Variants in BCAN observed in about 807,000 individuals in gnomAD.
BCAN encodes brevican core protein.
Under a neutral mutation model 92.4 loss-of-function variants are expected in BCAN, and 51 were observed. That is an observed-to-expected ratio of 0.55 (90% CI 0.44 to 0.70). The LOEUF (loss-of-function observed/expected upper bound fraction) is 0.70. BCAN is among the 30% of genes least tolerant of loss of function. The probability of loss-of-function intolerance (pLI) is 0.00; values close to 1 mark genes in which losing one functional copy is unlikely to be tolerated. For synonymous variants in BCAN, 501 were observed against 505.2 expected (o/e 0.99, Z 0.11); for missense variants, 1,140 against 1,212.1 (o/e 0.94, Z 0.88).
rs914961723 is a variant in BCAN at position 156,658,940 on chromosome 1, A to C, written c.2629-87A>C. Reference sequence around the variant, plus strand: ...ACATGCAGCCCCATTCTGGGCTCTTACGGGCTGAGCAAGAACATCAGAGGG... The same window carrying C: ...ACATGCAGCCCCATTCTGGGCTCTTCCGGGCTGAGCAAGAACATCAGAGGG... On this transcript the variant is annotated intron_variant, in intron 13 of 13. Transcript: ENST00000329117. The surrounding 1 kb of genome is among the most constrained non-coding windows in gnomAD (Gnocchi z 4.4). The C allele has an allele frequency of 7.2e-7, 1 of 1,381,524 alleles. No homozygotes were observed. The allele number at this position is 1,381,524 out of a possible 1,614,324, so 85.6% of individuals were successfully genotyped here.
rs549019754 is a variant in BCAN, at chr1:156,646,409, G to C, written c.91+264G>C. 1.2e-5 allele frequency: 6 copies of C among 509,772 alleles called. No homozygotes were observed. The East Asian group carries it at 1.2e-4, about 10-fold the overall frequency. 31.6% of individuals were successfully genotyped at this position (509,772 alleles called of 1,614,324 possible). A position where few individuals can be genotyped will look rare whatever the true frequency, so the allele number is the denominator to read the frequency against. ...TCCTGAAGCTAGGAGGTGGGAAAGGGGTGGAACTGGGAGAAACCCTGAAGG... is the reference window on the plus strand; with the variant it reads ...TCCTGAAGCTAGGAGGTGGGAAAGGCGTGGAACTGGGAGAAACCCTGAAGG... On this transcript the variant is annotated intron_variant, in intron 2 of 13. Transcript: ENST00000329117.
Position 156,647,624 on chromosome 1 carries a change from G to T in BCAN, c.583G>T (p.Ala195Ser), listed in dbSNP as rs532500157. 1.9e-6 allele frequency: 3 copies of T among 1,612,372 alleles called. No individual in the cohort carries two copies. Among genetic ancestry groups the T allele is most frequent in the South Asian group, 2.2e-5 (2 of 90,910 alleles). ...CGCCACCCCGGAGCAGCTCTATGCC[G>T]CCTACCTTGGGGGCTATGAGCAATG... ...HIATPEQLYA[A>S]YLGGYEQCDA... The change falls in exon 4 of 14, where the codon GCC (alanine) becomes TCC (serine). Residue 195 changes from alanine (A) to serine (S), a missense_variant. This residue lies in a region of BCAN where 286 missense variants were observed against 284.1 expected (regional missense o/e 1.01). Transcript: ENST00000329117. This position sits in a 1 kb window ranked among gnomAD's most constrained non-coding sequence, Gnocchi z 4.8.
rs754880058 is a variant in BCAN, at chr1:156,659,084, C to T, written c.2686C>T (p.Arg896Cys). 1.7e-5 allele frequency: 27 copies of T among 1,596,058 alleles called. No individual in the cohort carries two copies. The highest frequency in any genetic ancestry group is 1.7e-4 in the Middle Eastern group (1 of 6,040). The change falls in exon 14 of 14, where the codon CGC becomes TGC. Residue 896 changes from arginine to cysteine, a missense_variant. Transcript: ENST00000329117. ...AGGACGTCAGGGGAGGCTACTGGGA[C>T]GCTGGAAGGCGCTGTTGATCCCCCC... ...PEGRQGRLLG[R>C]WKALLIPPSS...
intron 1 of BCAN, chr1:156,644,425 C>G (rs939815840): frequency 1.3e-5 from 2 of 152,534 alleles, no homozygotes; most frequent in Non-Finnish European, 2.9e-5. Flanking sequence ...CTTCCCAGCA[C>G]CCGGTGGGCA....
At position 156,658,205 on chromosome 1, in the gene BCAN, G is replaced by A. The variant is rs572181801; in HGVS notation, c.2371G>A (p.Asp791Asn). 26 of 1,614,148 alleles carry A rather than the reference G, an allele frequency of 1.6e-5. 1 individual carries two copies. The South Asian group carries it at 2.4e-4, about 15-fold the overall frequency. ...GENCVVMVWH[D>N]QGQWSDVPCN... Reference sequence around the variant, plus strand: ...GAACTGCGTGGTCATGGTGTGGCATGATCAGGGACAATGGAGTGACGTGCC... The same window carrying A: ...GAACTGCGTGGTCATGGTGTGGCATAATCAGGGACAATGGAGTGACGTGCC... Residue 791 changes from aspartate to asparagine, a missense_variant, in exon 12 of 14, where the codon GAT (aspartate) becomes AAT (asparagine). Asp to Asn is a conservative substitution (Grantham distance 23, BLOSUM62 1). Coordinates refer to ENST00000329117, the MANE Select transcript of BCAN (RefSeq NM_021948.5). This position sits in a 1 kb window ranked among gnomAD's most constrained non-coding sequence, Gnocchi z 4.4.
Position 156,652,809 on chromosome 1 carries a change from C to A in BCAN, c.1859C>A (p.Pro620Gln). ...PSEDNSGRTA[P>Q]AGTSVQAQPV... ...GAAGATAATTCTGGAAGAACTGCCC[C>A]AGCAGGGACCTCAGTGCAGGCCCAG... is the stretch of plus-strand genomic sequence containing the variant. The change falls in exon 8 of 14, where the codon CCA (proline) becomes CAA (glutamine). Residue 620 changes from proline to glutamine, a missense_variant. Coordinates refer to ENST00000329117, the MANE Select transcript of BCAN (RefSeq NM_021948.5). 1 of 1,613,854 alleles carries A rather than the reference C, an allele frequency of 6.2e-7. No homozygotes were observed. The highest frequency in any genetic ancestry group is 8.5e-7 in the Non-Finnish European group (1 of 1,179,852).
Position 156,652,359 on chromosome 1 carries a change from A to AAGAGGAGG in BCAN, c.1412_1419dup (p.Val474ArgfsTer81). On this transcript the variant is annotated frameshift_variant, in exon 8 of 14. Transcript: ENST00000329117. LOFTEE classifies it high-confidence loss of function. ...GAAGAAGAGAAAGAGGAGGAAGAAGAAGAGGAGGAGGTGGAGGATGAGGCT... is the reference window on the plus strand; with the variant it reads ...GAAGAAGAGAAAGAGGAGGAAGAAGAAGAGGAGGAGAGGAGGAGGTGGAGGATGAGGCT... 6.2e-7 allele frequency: 1 copy of AAGAGGAGG among 1,613,656 alleles called. No individual in the cohort carries two copies. Among genetic ancestry groups the AAGAGGAGG allele is most frequent in the Non-Finnish European group, 8.5e-7 (1 of 1,179,722 alleles).
Position 156,647,721 on chromosome 1 carries a change from T to C in BCAN, c.641+39T>C, listed in dbSNP as rs1009338494. 4.5e-6 allele frequency: 7 copies of C among 1,558,736 alleles called. No homozygotes were observed. In the East Asian group the frequency reaches 1.6e-4, roughly 35 times the overall value. On this transcript the variant is annotated intron_variant, in intron 4 of 13. Transcript: ENST00000329117. The surrounding 1 kb of genome is among the most constrained non-coding windows in gnomAD (Gnocchi z 4.8). ...GTGGATTGGGGCTTCTATTGGCCCCTGAGGTGGCCATGGCCCCCCTTCTGC... is the reference window on the plus strand; with the variant it reads ...GTGGATTGGGGCTTCTATTGGCCCCCGAGGTGGCCATGGCCCCCCTTCTGC...
In BCAN at chr1:156,659,357, G is replaced by A. The variant is rs567193169; in HGVS notation, c.*223G>A. On this transcript the variant is annotated 3_prime_UTR_variant, in exon 14 of 14. Transcript: ENST00000329117. Reference sequence around the variant, plus strand: ...GGGCACCAGATCTTCCATCAGGGCCGGAGTAAATCCCTAAGTGCCTCAACT... The same window carrying A: ...GGGCACCAGATCTTCCATCAGGGCCAGAGTAAATCCCTAAGTGCCTCAACT... 172 of 536,002 alleles carry A rather than the reference G, an allele frequency of 3.2e-4. No homozygotes were observed. Among genetic ancestry groups the A allele is most frequent in the African/African-American group, 3.1e-3 (158 of 51,202 alleles). The allele number at this position is 536,002 out of a possible 1,614,324, so 33.2% of individuals were successfully genotyped here.
Position 156,657,106 on chromosome 1 carries a change from G to C in BCAN, c.2209+10G>C, listed in dbSNP as rs747065444. 2.5e-6 allele frequency: 4 copies of C among 1,607,520 alleles called. No homozygotes were observed. In the South Asian group the frequency reaches 4.4e-5, roughly 18 times the overall value. On this transcript the variant is annotated intron_variant, in intron 10 of 13. Coordinates refer to ENST00000329117, the MANE Select transcript of BCAN (RefSeq NM_021948.5). ...CAGGACTTCATCAACAGTGGGCTGG[G>C]AGACAGGGCGGGAGGGGCCCCTGCC...
At chr1:156,645,179 C>CA (rs1004733764) in intron 1 of BCAN, among the ~76,000 whole-genome samples, 1 of 152,086 alleles carries the variant, frequency 6.6e-6, no homozygotes, top group Non-Finnish European at 1.5e-5. Context: ...TTCTCCCCCC[C>CA]CTTAGTCCAC....
chr1:156,658,919 G>A lies in BCAN; in HGVS notation c.2629-108G>A. Reference sequence around the variant, plus strand: ...CTTCAGTGCTGATGTCTGATAACATGCAGCCCCATTCTGGGCTCTTACGGG... The same window carrying A: ...CTTCAGTGCTGATGTCTGATAACATACAGCCCCATTCTGGGCTCTTACGGG... On this transcript the variant is annotated intron_variant, in intron 13 of 13. Transcript: ENST00000329117. The surrounding 1 kb of genome is among the most constrained non-coding windows in gnomAD (Gnocchi z 4.4). 2.3e-6 allele frequency: 3 copies of A among 1,312,186 alleles called. No homozygotes were observed. The East Asian group carries it at 7.4e-5, about 33-fold the overall frequency. The allele number at this position is 1,312,186 out of a possible 1,614,324, so 81.3% of individuals were successfully genotyped here.
chr1:156,647,818 A>T lies in BCAN; in HGVS notation c.641+136A>T. The T allele has an allele frequency of 6.6e-7, 1 of 1,524,232 alleles. No homozygotes were observed. The highest frequency in any genetic ancestry group is 9.0e-7 in the Non-Finnish European group (1 of 1,105,164). 94.4% of individuals were successfully genotyped at this position (1,524,232 alleles called of 1,614,324 possible). A position where few individuals can be genotyped will look rare whatever the true frequency, so the allele number is the denominator to read the frequency against. On this transcript the variant is annotated intron_variant, in intron 4 of 13. Coordinates refer to ENST00000329117, the MANE Select transcript of BCAN (RefSeq NM_021948.5). This position sits in a 1 kb window ranked among gnomAD's most constrained non-coding sequence, Gnocchi z 4.8. ...TCTGGGGGATGAGGCTGGTCTGAGG[A>T]GGGGAGGTGAGGACCCTGAGCATGT...
chr1:156,652,147 G>A (rs1679184113), intron 7 of BCAN, 101 bp from the exon 8 acceptor site: 8 of 1,471,498 alleles, frequency 5.4e-6, no homozygotes, highest in Non-Finnish European at 7.3e-6. Context: ...CTATTCCCCA[G>A]GGCTCACCCT....
intron 8 of BCAN, chr1:156,653,355 C>T (rs1679239663): frequency 1.9e-6 from 2 of 1,033,338 alleles, no homozygotes; most frequent in South Asian, 4.5e-5. Context: ...CCTCCGGAGT[C>T]CAGGAGAACC....
chr1:156,653,833 C>T (rs10908513), intron 8 of BCAN, among the ~76,000 whole-genome samples: 53,487 of 151,830 alleles, frequency 0.35, 9,648 homozygotes, highest in South Asian at 0.52. Flanking sequence ...CCCTGCAGCC[C>T]GGAGTGCATG....
intron 6 of BCAN, among the ~76,000 whole-genome samples, chr1:156,649,689 C>A (rs544826360): frequency 6.6e-6 from 1 of 152,340 alleles, no homozygotes; most frequent in Non-Finnish European, 1.5e-5. Flanking sequence ...TAGGTGTGAG[C>A]CACTGCACCC....
In BCAN at chr1:156,659,297, G is replaced by C. The variant is rs1029069583; in HGVS notation, c.*163G>C. The C allele has an allele frequency of 2.0e-5, 12 of 602,902 alleles. No individual in the cohort carries two copies. Among genetic ancestry groups the C allele is most frequent in the Non-Finnish European group, 3.1e-5 (11 of 351,978 alleles). 37.3% of individuals were successfully genotyped at this position (602,902 alleles called of 1,614,324 possible). The stretch of plus-strand genomic sequence containing the variant: ...GGGGCTTCTGGGAAATACCTAGGAG[G>C]CTCCAGCCCAGCCCAGGCCCTCTCC... On this transcript the variant is annotated 3_prime_UTR_variant, in exon 14 of 14. Transcript: ENST00000329117.
At chr1:156,656,747 G>A (rs1679343475) in intron 9 of BCAN, 191 bp from the exon 10 acceptor site, 1 of 729,490 alleles carries the variant, frequency 1.4e-6, no homozygotes, top group Non-Finnish European at 2.1e-6. Flanking sequence ...AAAGGCACCA[G>A]CGCCCCTGCC....
Sources: gnomAD v4.1 joint callset for allele counts (sites outside exome capture counted in the v4.1 genomes callset) on GRCh38, gnomAD v4.1.1 for gene constraint, gnomAD v4.1.1 regional missense constraint, Gnocchi (gnomAD v3.1) non-coding constraint, MANE v1.5 for transcripts, NCBI Gene and HGNC (gene_info 2026-07-23, HGNC 2026-07-21) for gene names.